Variants in RIN2 observed in about 807,000 individuals in gnomAD.
RIN2 encodes Ras and Rab interactor 2.
A neutral mutation model predicts 78.0 loss-of-function variants in RIN2; 36 were observed. The ratio of observed to expected loss-of-function variants is 0.46; its 90% CI spans 0.35 to 0.61. The LOEUF is 0.61. Ranked by LOEUF, RIN2 falls within the 20% of genes least tolerant of loss-of-function variation. The pLI is 0.00. For synonymous variants in RIN2, 466 were observed against 466.8 expected, an observed-to-expected ratio of 1.00 and a Z score of 0.02; for missense variants, 1,087 against 1,159.7, an observed-to-expected ratio of 0.94 and a Z score of 0.91.
At chr20:19,919,195 T>A (rs1247000940) in intron 3 of RIN2, among the ~76,000 whole-genome samples, 1 of 152,186 alleles carries the variant, frequency 6.6e-6, no homozygotes, top group Admixed American at 6.5e-5. Flanking sequence ...GAGAGGGTTT[T>A]AGGGAGAGCT....
At chr20:19,810,465 G>C (rs1304837179) in intron 2 of RIN2, among the ~76,000 whole-genome samples, 1 of 151,988 alleles carries the variant, frequency 6.6e-6, no homozygotes, top group Non-Finnish European at 1.5e-5. Context: ...CCCCAGGAGG[G>C]AGGTGGGTCA....
At chr20:19,868,851 G>C (rs1178164136) in intron 2 of RIN2, among the ~76,000 whole-genome samples, 1 of 152,024 alleles carries the variant, frequency 6.6e-6, no homozygotes, top group Admixed American at 6.5e-5. Flanking sequence ...GAGGCCAAGG[G>C]GGGTGGATCA....
At chr20:19,823,960 G>T in intron 2 of RIN2, 1 of 1,449,794 alleles carries the variant, frequency 6.9e-7, no homozygotes, top group Non-Finnish European at 9.5e-7. Flanking sequence ...GGCAGCTGGT[G>T]TCGGATGAAC....
intron 4 of RIN2, among the ~76,000 whole-genome samples, chr20:19,955,849 T>C (rs537469318): frequency 6.6e-6 from 1 of 152,344 alleles, no homozygotes; most frequent in South Asian, 2.1e-4. Flanking sequence ...TGTGAGTGCA[T>C]TTGCCTTTAG....
At chr20:19,794,233 A>C (rs1251328523) in intron 1 of RIN2, among the ~76,000 whole-genome samples, 1 of 152,212 alleles carries the variant, frequency 6.6e-6, no homozygotes, top group Non-Finnish European at 1.5e-5. Flanking sequence ...GGCACCCAGC[A>C]AGTGGCCTGC....
intron 2 of RIN2, among the ~76,000 whole-genome samples, chr20:19,802,901 C>T (rs2035291018): frequency 6.6e-6 from 1 of 152,174 alleles, no homozygotes; most frequent in Admixed American, 6.5e-5. Context: ...ACAGTCCATG[C>T]CTTAGACCTA....
At chr20:19,980,044 C>CA (rs56268489) in intron 9 of RIN2, among the ~76,000 whole-genome samples, 4,032 of 72,498 alleles carry the variant, frequency 0.056, 327 homozygotes, top group African/African-American at 0.17. Context: ...AACTCCATCT[C>CA]AAAAAAAAAA....
chr20:19,917,977 C>G (rs1056187194), intron 3 of RIN2, among the ~76,000 whole-genome samples: 3 of 152,208 alleles, frequency 2.0e-5, no homozygotes, highest in Non-Finnish European at 4.4e-5. Flanking sequence ...CAACAGTTTT[C>G]ATACTTTAAT....
At chr20:19,869,126 A>T (rs1295861680) in intron 2 of RIN2, among the ~76,000 whole-genome samples, 4 of 150,314 alleles carry the variant, frequency 2.7e-5, no homozygotes, top group African/African-American at 9.8e-5. Context: ...GTGGTGAGGC[A>T]TTTTAAACAG....
intron 2 of RIN2, among the ~76,000 whole-genome samples, chr20:19,826,198 TGC>T (rs2036084960): frequency 6.6e-6 from 1 of 152,228 alleles, no homozygotes; most frequent in African/African-American, 2.4e-5. Flanking sequence ...AGTGACTATT[TGC>T]ATGAATACAT....
intron 3 of RIN2, among the ~76,000 whole-genome samples, chr20:19,910,632 A>G (rs1377743050): frequency 6.8e-6 from 1 of 146,384 alleles, no homozygotes; most frequent in Non-Finnish European, 1.5e-5. Flanking sequence ...GCAGTGGCGC[A>G]GTCTCGGCTC....
chr20:19,955,431 G>A (rs1411632792), intron 4 of RIN2, among the ~76,000 whole-genome samples: 32 of 152,110 alleles, frequency 2.1e-4, no homozygotes, highest in Admixed American at 2.0e-3. Context: ...TAAACTCCCA[G>A]GCTAGAGCCA....
chr20:19,856,168 T>A (rs1051764121), intron 2 of RIN2, among the ~76,000 whole-genome samples: 1 of 152,204 alleles, frequency 6.6e-6, no homozygotes, highest in African/African-American at 2.4e-5. Context: ...TTTAGGGATA[T>A]CTTAATTAAT....
intron 1 of RIN2, among the ~76,000 whole-genome samples, chr20:19,795,919 A>C (rs1359311106): frequency 6.6e-6 from 1 of 152,134 alleles, no homozygotes; most frequent in Admixed American, 6.5e-5. Context: ...ACAAAATGGC[A>C]CATGAAAATA....
intron 4 of RIN2, among the ~76,000 whole-genome samples, chr20:19,940,789 G>A (rs147604465): frequency 4.6e-5 from 7 of 152,338 alleles, no homozygotes; most frequent in Non-Finnish European, 1.0e-4. Context: ...CACCAGGCCT[G>A]AGGTAGGTTC....
chr20:19,970,950 TGA>T lies in RIN2; in HGVS notation c.628+23_628+24del, dbSNP rs768593873. The T allele has an allele frequency of 3.2e-6, 5 of 1,572,302 alleles. No homozygotes were observed. In the African/African-American group the frequency reaches 5.4e-5, roughly 17 times the overall value. ...ACTAAGTAAGTGTGTGCCCCCTGCC[TGA>T]GTCTATCTAAAAATGAATCCATGGA... On this transcript the variant is annotated intron_variant, in intron 8 of 12. Transcript: ENST00000255006.
intron 2 of RIN2, chr20:19,886,521 C>G (rs1311802098): frequency 3.5e-6 from 2 of 579,316 alleles, no homozygotes; most frequent in South Asian, 4.8e-5. Context: ...CGTTTACATT[C>G]TTTCAGTGGT....
chr20:19,988,679 G>A (rs974594019), intron 9 of RIN2, among the ~76,000 whole-genome samples: 2 of 152,144 alleles, frequency 1.3e-5, no homozygotes, highest in Non-Finnish European at 2.9e-5. Context: ...ACTCCACTGG[G>A]AAACCATTCA....
intron 2 of RIN2, among the ~76,000 whole-genome samples, chr20:19,813,721 T>C (rs2035675711): frequency 6.6e-6 from 1 of 152,202 alleles, no homozygotes; most frequent in African/African-American, 2.4e-5. Context: ...ACATGTATTT[T>C]TTAAAAAAAT....
Sources: allele counts gnomAD v4.1 joint callset (sites outside exome capture counted in the v4.1 genomes callset), GRCh38; gene constraint gnomAD v4.1.1; transcripts MANE v1.5; gene names NCBI Gene and HGNC (gene_info 2026-07-23, HGNC 2026-07-21).